Variants in BCHE observed in about 807,000 individuals in gnomAD.
BCHE encodes the protein butyrylcholinesterase.
BCHE carries 48 observed loss-of-function variants against 51.3 expected under a neutral mutation model. The ratio of observed to expected loss-of-function variants is 0.94; its 90% confidence interval spans 0.74 to 1.19. BCHE has a LOEUF of 1.19. Ranked by LOEUF, BCHE falls within the 50% of genes most tolerant of loss-of-function variation. The probability of loss-of-function intolerance (pLI) is 0.00; values close to 1 mark genes in which losing one functional copy is unlikely to be tolerated. For missense variants in BCHE, 847 were observed against 708.2 expected (o/e 1.20, Z -2.23); for synonymous variants, 251 against 238.0 (o/e 1.05, Z -0.50).
chr3:165,791,908 A>G (rs1206036762), intron 2 of BCHE, among the ~76,000 whole-genome samples: 1 of 151,846 alleles, frequency 6.6e-6, no homozygotes, highest in Non-Finnish European at 1.5e-5. Flanking sequence ...AGATCTTGCC[A>G]CTGACTCCAC....
In BCHE at chr3:165,830,447, A is replaced by G. The variant is rs778831301; in HGVS notation, c.587T>C (p.Leu196Ser). ...GNPEAPGNMG[L>S]FDQQLALQWV... ...CTGAAGAGCCAACTGTTGATCAAAT[A>G]AACCCATGTTCCCTGGAGCCTCAGG... Residue 196 changes from leucine (L) to serine (S), a missense_variant, in exon 2 of 4, where the codon TTA (leucine) becomes TCA (serine). Coordinates refer to ENST00000264381, the MANE Select transcript of BCHE (RefSeq NM_000055.4). 4 of 1,613,670 alleles carry G rather than the reference A, an allele frequency of 2.5e-6. No homozygotes were observed. The African/African-American group carries it at 5.3e-5, about 22-fold the overall frequency.
intron 2 of BCHE, among the ~76,000 whole-genome samples, chr3:165,828,455 G>A (rs1393708633): frequency 6.6e-6 from 1 of 152,068 alleles, no homozygotes; most frequent in Non-Finnish European, 1.5e-5. Flanking sequence ...TTGTACAACT[G>A]ATATTGTAGA....
chr3:165,833,603 ATAAG>A (rs1192396069), intron 1 of BCHE, among the ~76,000 whole-genome samples: 3 of 152,174 alleles, frequency 2.0e-5, no homozygotes, highest in African/African-American at 7.2e-5. Context: ...CAGTAAATAA[ATAAG>A]TAAAATATAA....
At chr3:165,810,080 A>ATCGTATTGCAT (rs537848479) in intron 2 of BCHE, among the ~76,000 whole-genome samples, 287 of 152,322 alleles carry the variant, frequency 1.9e-3, no homozygotes, top group African/African-American at 6.7e-3. Flanking sequence ...AGTGACAGAC[A>ATCGTATTGCAT]GATTGAAATA....
At chr3:165,800,466 T>C (rs1349706395) in intron 2 of BCHE, among the ~76,000 whole-genome samples, 1 of 152,122 alleles carries the variant, frequency 6.6e-6, no homozygotes, top group Admixed American at 6.5e-5. Context: ...AATATAATAT[T>C]AAGCTCAAAA....
chr3:165,824,290 T>G lies in BCHE; in HGVS notation c.1517+5227A>C, dbSNP rs1714640237. 2.0e-5 allele frequency among the ~76,000 whole-genome samples: 3 copies of G among 151,938 alleles called. No individual in the cohort carries two copies. The South Asian group carries it at 6.2e-4, about 32-fold the overall frequency. On this transcript the variant is annotated intron_variant, in intron 2 of 3. Transcript: ENST00000264381. ...AATATAATTCACCACACTAACAAAA[T>G]TAATGAGAAGACAAAGCAACAAAAA...
rs753283945 is a variant in BCHE at position 165,829,549 on chromosome 3, T to C, written c.1485A>G (p.Ile495Met). ...TTGCAAAATTTGCCCACCGTTTCAC[T>C]ATGGATCTACTCAAAATTTCCTCGG... ...TKAEEILSRS[I>M]VKRWANFAKY... The change falls in exon 2 of 4, where the codon ATA becomes ATG. Residue 495 changes from isoleucine to methionine, a missense_variant. Transcript: ENST00000264381. 17 of 1,613,656 alleles carry C rather than the reference T, an allele frequency of 1.1e-5. No homozygotes were observed. The highest frequency in any genetic ancestry group is 1.4e-5 in the Non-Finnish European group (16 of 1,179,812).
intron 2 of BCHE, among the ~76,000 whole-genome samples, chr3:165,794,652 C>T (rs1462138171): frequency 6.6e-6 from 1 of 152,124 alleles, no homozygotes. Flanking sequence ...TTTCCCAAGG[C>T]CCAACCTCCT....
intron 2 of BCHE, among the ~76,000 whole-genome samples, chr3:165,796,045 A>T (rs1268760685): frequency 6.6e-6 from 1 of 152,164 alleles, no homozygotes; most frequent in East Asian, 1.9e-4. Flanking sequence ...TCAATGTGCT[A>T]AACTTTCTAG....
chr3:165,794,321 A>C (rs1247418553), intron 2 of BCHE, among the ~76,000 whole-genome samples: 2 of 152,174 alleles, frequency 1.3e-5, no homozygotes, highest in African/African-American at 4.8e-5. Context: ...AGATAAAAGA[A>C]AAATGTAAGT....
rs141861835 is a variant in BCHE, at chr3:165,810,265, A to G, written c.1517+19252T>C. Among the ~76,000 whole-genome samples the G allele has an allele frequency of 5.7e-3, 874 of 152,282 alleles. 2 individuals are homozygous for G. Among genetic ancestry groups the G allele is most frequent in the Non-Finnish European group, 8.8e-3 (598 of 68,020 alleles). On this transcript the variant is annotated intron_variant, in intron 2 of 3. Transcript: ENST00000264381. ...GATATTCTTCTGTTCAAGTTGTGAT[A>G]TTCTAGCAGCAGATTCTAGTTCACA...
intron 2 of BCHE, among the ~76,000 whole-genome samples, chr3:165,823,423 A>G (rs1714601334): frequency 6.6e-6 from 1 of 152,124 alleles, no homozygotes. Flanking sequence ...AAACAATTAT[A>G]ATACTGGACA....
chr3:165,837,166 T>C (rs1715218122), intron 1 of BCHE, 148 bp downstream of exon 1: 3 of 390,314 alleles, frequency 7.7e-6, no homozygotes, highest in Non-Finnish European at 1.4e-5. Context: ...GCTCACTTCC[T>C]CTGTCCCATT....
chr3:165,782,113 C>T (rs973979535), intron 3 of BCHE, among the ~76,000 whole-genome samples: 1 of 151,944 alleles, frequency 6.6e-6, no homozygotes, highest in African/African-American at 2.4e-5. Context: ...ATGAATATAT[C>T]ACATATATAT....
chr3:165,779,665 T>C (rs1252225782), intron 3 of BCHE, among the ~76,000 whole-genome samples: 1 of 152,042 alleles, frequency 6.6e-6, no homozygotes, highest in Non-Finnish European at 1.5e-5. Flanking sequence ...CCATTCACAA[T>C]TGCTACAAAG....
intron 1 of BCHE, among the ~76,000 whole-genome samples, chr3:165,833,215 A>G (rs1715054950): frequency 6.6e-6 from 1 of 152,160 alleles, no homozygotes; most frequent in Non-Finnish European, 1.5e-5. Flanking sequence ...TACATTCATG[A>G]TATTTAGGTA....
intron 2 of BCHE, among the ~76,000 whole-genome samples, chr3:165,793,582 C>T (rs753532263): frequency 5.3e-5 from 8 of 152,180 alleles, no homozygotes; most frequent in Non-Finnish European, 8.8e-5. Flanking sequence ...CCTCTTCGTC[C>T]TTCACAGTAA....
chr3:165,833,297 T>A (rs1342786593), intron 1 of BCHE, among the ~76,000 whole-genome samples: 1 of 152,136 alleles, frequency 6.6e-6, no homozygotes, highest in Non-Finnish European at 1.5e-5. Context: ...AGGGATACAT[T>A]CTAAGAAATG....
rs769824118 is a variant in BCHE, at chr3:165,830,851, A to G, written c.183T>C (p.Tyr61=). ...GTVTAFLGIP[Y]AQPPLGRLRF... is the part of the protein sequence containing the mutation. ...GAAGTCTACCAAGAGGTGGCTGTGCATAGGGAATTCCAAGAAAGGCTGTTA... is the reference window on the plus strand; with the variant it reads ...GAAGTCTACCAAGAGGTGGCTGTGCGTAGGGAATTCCAAGAAAGGCTGTTA... Residue 61 remains tyrosine (Y), a synonymous_variant, in exon 2 of 4, where the codon TAT becomes TAC. Coordinates refer to ENST00000264381, the MANE Select transcript of BCHE (RefSeq NM_000055.4). 3.7e-6 allele frequency: 6 copies of G among 1,613,992 alleles called. No individual in the cohort carries two copies. Among genetic ancestry groups the G allele is most frequent in the South Asian group, 2.2e-5 (2 of 91,084 alleles).
Sources: allele counts gnomAD v4.1 joint callset (sites outside exome capture counted in the v4.1 genomes callset), GRCh38; gene constraint gnomAD v4.1.1; transcripts MANE v1.5; gene names NCBI Gene and HGNC (gene_info 2026-07-23, HGNC 2026-07-21).